Variants in TEX9 observed in about 807,000 individuals in gnomAD.
TEX9 encodes testis-expressed protein 9.
TEX9 carries 74 observed loss-of-function variants against 59.6 expected under a neutral mutation model. That is an observed-to-expected ratio of 1.24 (90% CI 1.03 to 1.51). The LOEUF (loss-of-function observed/expected upper bound fraction) is 1.51. Ranked by LOEUF, TEX9 falls within the 40% of genes most tolerant of loss-of-function variation. The pLI is 0.00. For synonymous variants in TEX9, 186 were observed against 152.2 expected, an observed-to-expected ratio of 1.22 and a Z score of -1.64; for missense variants, 522 against 447.8, an observed-to-expected ratio of 1.17 and a Z score of -1.49.
chr15:56,346,219 G>A (rs2046467366), intron 1 of TEX9, among the ~76,000 whole-genome samples: 1 of 152,224 alleles, frequency 6.6e-6, no homozygotes, highest in Non-Finnish European at 1.5e-5. Flanking sequence ...TTTGAACTGA[G>A]ATTGGAAGAA....
chr15:56,362,058 G>T (rs2141923877), upstream of TEX9, among the ~76,000 whole-genome samples: 1 of 152,228 alleles, frequency 6.6e-6, no homozygotes, highest in South Asian at 2.1e-4. Context: ...ATTTATTAAA[G>T]TGTGTTATGG....
chr15:56,263,213 G>A (rs1227952164), intron 1 of TEX9, among the ~76,000 whole-genome samples: 8 of 152,112 alleles, frequency 5.3e-5, no homozygotes, highest in Non-Finnish European at 1.2e-4. Flanking sequence ...AGTAGAGACA[G>A]GGTTTCTCTA....
At chr15:56,325,984 C>T (rs555225617) in intron 1 of TEX9, among the ~76,000 whole-genome samples, 68 of 152,254 alleles carry the variant, frequency 4.5e-4, no homozygotes, top group Non-Finnish European at 4.6e-4. Flanking sequence ...TTTAACACTC[C>T]AGGTATCATT....
intron 1 of TEX9, among the ~76,000 whole-genome samples, chr15:56,259,896 A>G (rs1275565605): frequency 6.6e-6 from 1 of 152,068 alleles, no homozygotes; most frequent in East Asian, 1.9e-4. Context: ...ATATCTATTC[A>G]TCTAGTTAGA....
chr15:56,328,947 A>G (rs1232600055), intron 1 of TEX9, among the ~76,000 whole-genome samples: 1 of 152,150 alleles, frequency 6.6e-6, no homozygotes, highest in Non-Finnish European at 1.5e-5. Context: ...GTAAGTGGCA[A>G]TCAGTGGCTA....
At chr15:56,345,885 A>G (rs183562343) in intron 1 of TEX9, among the ~76,000 whole-genome samples, 51 of 152,324 alleles carry the variant, frequency 3.3e-4, no homozygotes, top group African/African-American at 1.2e-3. Flanking sequence ...GTAGGAGCCA[A>G]TGGATGTCCG....
At chr15:56,369,308 G>C (rs1175927000) in intron 2 of TEX9, among the ~76,000 whole-genome samples, 2 of 151,396 alleles carry the variant, frequency 1.3e-5, no homozygotes, top group Non-Finnish European at 2.9e-5. Flanking sequence ...TCCCACCCCA[G>C]CCTCCCGAGG....
At chr15:56,251,684 T>A (rs1174942201) in intron 1 of TEX9, among the ~76,000 whole-genome samples, 1 of 151,930 alleles carries the variant, frequency 6.6e-6, no homozygotes, top group East Asian at 1.9e-4. Flanking sequence ...CTCAGAGGGC[T>A]TAAAGAAGAT....
chr15:56,347,117 T>C (rs1301350966), intron 1 of TEX9, among the ~76,000 whole-genome samples: 2 of 152,184 alleles, frequency 1.3e-5, no homozygotes, highest in Non-Finnish European at 2.9e-5. Flanking sequence ...ATTGTGTTCA[T>C]GGATTGAAAA....
Position 56,311,776 on chromosome 15 carries a change from C to G in TEX9, c.-106-61665C>G, listed in dbSNP as rs1369869882. Among the ~76,000 whole-genome samples the G allele has an allele frequency of 2.1e-5, 3 of 145,606 alleles. No individual in the cohort carries two copies. The East Asian group carries it at 6.1e-4, about 30-fold the overall frequency. On this transcript the variant is annotated intron_variant, in intron 1 of 5. Transcript: ENST00000560827. ...GTCCCACCAACAGTGTAAAAGTGTT[C>G]CTATTTCTCCACATCCTCTCCAGCA...
chr15:56,297,303 A>G (rs1290278264), intron 1 of TEX9, among the ~76,000 whole-genome samples: 1 of 152,230 alleles, frequency 6.6e-6, no homozygotes, highest in Non-Finnish European at 1.5e-5. Context: ...AAGTACTGGT[A>G]AGAAATACAA....
intron 1 of TEX9, among the ~76,000 whole-genome samples, chr15:56,327,325 T>C (rs2046040104): frequency 6.6e-6 from 1 of 152,200 alleles, no homozygotes; most frequent in African/African-American, 2.4e-5. Context: ...ATGCTTTATT[T>C]CAGTTTCATT....
chr15:56,346,812 A>G (rs2046479817), intron 1 of TEX9, among the ~76,000 whole-genome samples: 1 of 152,222 alleles, frequency 6.6e-6, no homozygotes, highest in Non-Finnish European at 1.5e-5. Context: ...TGTAGACGAC[A>G]TTTGTCTGCA....
At chr15:56,312,164 CA>C (rs1362504399) in intron 1 of TEX9, among the ~76,000 whole-genome samples, 1 of 148,514 alleles carries the variant, frequency 6.7e-6, no homozygotes, top group Non-Finnish European at 1.5e-5. Context: ...TCCCATTTGT[CA>C]ATTTTGTCTT....
chr15:56,289,009 G>C (rs1175281081), intron 1 of TEX9, among the ~76,000 whole-genome samples: 1 of 152,006 alleles, frequency 6.6e-6, no homozygotes, highest in African/African-American at 2.4e-5. Flanking sequence ...TGCTGTTGAT[G>C]TTCTCTATTG....
intron 1 of TEX9, among the ~76,000 whole-genome samples, chr15:56,297,792 A>G (rs1313212270): frequency 6.6e-6 from 1 of 152,266 alleles, no homozygotes; most frequent in Admixed American, 6.5e-5. Context: ...GGCGTGAGCC[A>G]CCGTGCCTGG....
chr15:56,321,071 C>A (rs1226364436), intron 1 of TEX9, among the ~76,000 whole-genome samples: 2 of 152,158 alleles, frequency 1.3e-5, no homozygotes, highest in Non-Finnish European at 2.9e-5. Flanking sequence ...AACCTGTGAG[C>A]TTTCTTGTTA....
At chr15:56,436,722 CAAA>C (rs1309872201) in intron 12 of TEX9, among the ~76,000 whole-genome samples, 1 of 151,568 alleles carries the variant, frequency 6.6e-6, no homozygotes, top group Non-Finnish European at 1.5e-5. Flanking sequence ...AGACTCATAA[CAAA>C]GAAAAGAGAG....
At chr15:56,367,464 G>A (rs1194248496) in intron 2 of TEX9, among the ~76,000 whole-genome samples, 2 of 152,146 alleles carry the variant, frequency 1.3e-5, no homozygotes, top group African/African-American at 2.4e-5. Context: ...TGCTTCTGTT[G>A]GAGGAAATAA....
Sources: allele counts gnomAD v4.1 joint callset (sites outside exome capture counted in the v4.1 genomes callset), GRCh38; gene constraint gnomAD v4.1.1; transcripts MANE v1.5; gene names NCBI Gene and HGNC (gene_info 2026-07-23, HGNC 2026-07-21).